PRKCD: variants seen among roughly 807,000 people sequenced by gnomAD.
PRKCD encodes protein kinase C delta, also known as protein kinase C delta type.
A neutral mutation model predicts 82.2 loss-of-function variants in PRKCD; 20 were observed. The observed-to-expected ratio is 0.24, with a 90% CI of 0.17 to 0.35. PRKCD has a LOEUF of 0.35. Ranked by LOEUF, PRKCD falls within the 10% of genes least tolerant of loss-of-function variation. PRKCD has a pLI of 1.00. For missense variants in PRKCD, 607 were observed against 899.0 expected (o/e 0.68, Z 4.15); for synonymous variants, 317 against 337.0 (o/e 0.94, Z 0.65).
chr3:53,177,946 C>CTTTT (rs55779744), intron 2 of PRKCD, among the ~76,000 whole-genome samples: 1 of 135,070 alleles, frequency 7.4e-6, no homozygotes, highest in African/African-American at 2.7e-5. Flanking sequence ...TTTTCTTTTT[C>CTTTT]TTTTTTTTTT....
In PRKCD at chr3:53,178,430, C is replaced by A. The variant is rs1235740215; in HGVS notation, c.8C>A (p.Pro3Gln). 1 of 1,611,406 alleles carries A rather than the reference C, an allele frequency of 6.2e-7. No individual in the cohort carries two copies. Among genetic ancestry groups the A allele is most frequent in the Admixed American group, 1.7e-5 (1 of 59,988 alleles). The change falls in exon 3 of 19, where the codon CCG becomes CAG. Residue 3 changes from proline (P) to glutamine (Q), a missense_variant. By Grantham distance (76) the Pro-to-Gln change is moderately conservative. Around this residue, in one of 5 missense-constraint regions of PRKCD, gnomAD observed 161 missense variants for 227.0 expected, o/e 0.71. Transcript: ENST00000330452. MAPFLRIAFNSYE... is the reference protein window; with the variant it reads MAQFLRIAFNSYE... The stretch of plus-strand genomic sequence containing the variant: ...CCCACTGCAGGCCCCACCATGGCGC[C>A]GTTCCTGCGCATCGCCTTCAACTCC...
intron 11 of PRKCD, 63 bp downstream of exon 11, chr3:53,185,763 T>C: frequency 6.4e-7 from 1 of 1,560,004 alleles, no homozygotes; most frequent in South Asian, 1.1e-5. Flanking sequence ...GAAAGGGGAC[T>C]GTCCTCCCTT....
At chr3:53,171,118 G>C (rs3773728) in intron 2 of PRKCD, among the ~76,000 whole-genome samples, 86,165 of 152,034 alleles carry the variant, frequency 0.57, 26,249 homozygotes, top group East Asian at 0.75. Flanking sequence ...AGGCCCGGCT[G>C]CATCCCCCAC....
At chr3:53,181,095 TG>T in intron 4 of PRKCD, 111 bp from the exon 5 acceptor site, 2 of 1,172,430 alleles carry the variant, frequency 1.7e-6, no homozygotes, top group Non-Finnish European at 2.4e-6. Context: ...GGCTAGGCCT[TG>T]GGGGGCTGCC....
chr3:53,175,481 G>A (rs945121904), intron 2 of PRKCD, among the ~76,000 whole-genome samples: 16 of 152,218 alleles, frequency 1.1e-4, no homozygotes, highest in African/African-American at 3.6e-4. Flanking sequence ...CAGGAAATGG[G>A]GGGGCTGAGG....
intron 2 of PRKCD, among the ~76,000 whole-genome samples, chr3:53,166,897 T>C (rs1160589503): frequency 1.3e-5 from 2 of 152,248 alleles, no homozygotes; most frequent in African/African-American, 4.8e-5. Context: ...GGAGAGGCTG[T>C]GTCAGCTGTG....
chr3:53,179,447 C>A, intron 3 of PRKCD, 130 bp from the exon 4 acceptor site: 1 of 1,200,856 alleles, frequency 8.3e-7, no homozygotes, highest in Non-Finnish European at 1.2e-6. Flanking sequence ...CTCTAGAGGA[C>A]ACTGGGGAAC....
At chr3:53,187,483 T>TC (rs111249359) in intron 15 of PRKCD, 81 bp downstream of exon 15, 1 of 1,457,162 alleles carries the variant, frequency 6.9e-7, no homozygotes, top group Non-Finnish European at 9.5e-7. Context: ...CCAAGCAGGA[T>TC]CCCCCCAACT....
chr3:53,163,742 A>G (rs575259779), intron 1 of PRKCD, among the ~76,000 whole-genome samples: 2 of 152,296 alleles, frequency 1.3e-5, no homozygotes, highest in East Asian at 3.9e-4. Flanking sequence ...AAGCCCAGAC[A>G]GTATCCAACC....
intron 3 of PRKCD, 116 bp downstream of exon 3, chr3:53,178,653 C>T: frequency 1.2e-6 from 1 of 816,008 alleles, no homozygotes; most frequent in Non-Finnish European, 1.9e-6. Flanking sequence ...TCTTCCTCAT[C>T]CTTGACTCCC....
At chr3:53,182,013 C>A in intron 7 of PRKCD, 1 of 614,414 alleles carries the variant, frequency 1.6e-6, no homozygotes, top group Non-Finnish European at 3.0e-6. Context: ...CCAGCCCAGG[C>A]CATGCACCAG....
chr3:53,171,737 C>T (rs1335089848), intron 2 of PRKCD, among the ~76,000 whole-genome samples: 2 of 152,166 alleles, frequency 1.3e-5, no homozygotes, highest in African/African-American at 2.4e-5. Context: ...GCTGAGGGAA[C>T]AACATCTGCA....
At chr3:53,170,665 TC>T (rs1187037675) in intron 2 of PRKCD, among the ~76,000 whole-genome samples, 1 of 152,248 alleles carries the variant, frequency 6.6e-6, no homozygotes, top group East Asian at 1.9e-4. Context: ...CAGCTGCCCT[TC>T]TGCCCCTCCT....
intron 2 of PRKCD, among the ~76,000 whole-genome samples, chr3:53,174,082 G>A (rs563379372): frequency 6.6e-6 from 1 of 152,332 alleles, no homozygotes; most frequent in South Asian, 2.1e-4. Flanking sequence ...AAGTCACTTT[G>A]CTTCTCTGAG....
chr3:53,188,967 C>T, intron 16 of PRKCD, 91 bp from the exon 17 acceptor site: 1 of 1,573,976 alleles, frequency 6.4e-7, no homozygotes, highest in Non-Finnish European at 8.6e-7. Context: ...AGCCCATAGG[C>T]TGAGGCGGCC....
intron 2 of PRKCD, among the ~76,000 whole-genome samples, chr3:53,175,315 G>A (rs1349699902): frequency 6.6e-6 from 1 of 152,190 alleles, no homozygotes; most frequent in East Asian, 1.9e-4. Flanking sequence ...TGTAAACTGC[G>A]AAGGGAGGTG....
rs782673512 is a variant in PRKCD, at chr3:53,185,988, C to T, written c.1047C>T (p.Phe349=). The T allele has an allele frequency of 1.2e-6, 2 of 1,614,250 alleles. No individual in the cohort carries two copies. The highest frequency in any genetic ancestry group is 1.7e-6 in the Non-Finnish European group (2 of 1,180,032). The change falls in exon 12 of 19, where the codon TTC becomes TTT. Residue 349 remains phenylalanine, a synonymous_variant. Coordinates refer to ENST00000330452, the MANE Select transcript of PRKCD (RefSeq NM_006254.4). ...GCAGCAAGTGCAACATCAACAACTT[C>T]ATCTTCCACAAGGTCCTGGGCAAAG... The part of the protein sequence containing the change: ...EGSSKCNINN[F]IFHKVLGKGS...
chr3:53,181,357 AGCT>A, intron 5 of PRKCD, 84 bp from the exon 6 acceptor site: 4 of 1,608,542 alleles, frequency 2.5e-6, no homozygotes, highest in Non-Finnish European at 3.4e-6. Flanking sequence ...CCTTCGGCAG[AGCT>A]GTCCAGGACC....
intron 8 of PRKCD, 89 bp from the exon 9 acceptor site, chr3:53,183,363 G>A: frequency 5.7e-6 from 9 of 1,589,334 alleles, no homozygotes; most frequent in South Asian, 1.1e-5. Flanking sequence ...TTGGGATGTT[G>A]TTGTGCCCAG....
Sources: gnomAD v4.1 joint callset for allele counts (sites outside exome capture counted in the v4.1 genomes callset) on GRCh38, gnomAD v4.1.1 for gene constraint, gnomAD v4.1.1 regional missense constraint, MANE v1.5 for transcripts, NCBI Gene and HGNC (gene_info 2026-07-23, HGNC 2026-07-21) for gene names.